SEMA6D: variants seen among roughly 807,000 people sequenced by gnomAD.
SEMA6D encodes semaphorin-6D.
SEMA6D carries 35 observed loss-of-function variants against 106.6 expected under a neutral mutation model. The ratio of observed to expected loss-of-function variants is 0.33; its 90% CI spans 0.25 to 0.44. SEMA6D has a LOEUF of 0.44. Among genes scored for constraint, SEMA6D ranks in the 20% least tolerant of loss-of-function variants. The pLI is 1.00. For missense variants in SEMA6D, 1,185 were observed against 1,345.9 expected, an observed-to-expected ratio of 0.88 and a Z score of 1.87; for synonymous variants, 499 against 487.7, an observed-to-expected ratio of 1.02 and a Z score of -0.31.
chr15:47,471,917 TCTCTCTCTCTCTCTCACACA>T (rs1332891182), intron 3 of SEMA6D, among the ~76,000 whole-genome samples: 1 of 132,558 alleles, frequency 7.5e-6, no homozygotes, highest in African/African-American at 3.2e-5. Flanking sequence ...TCTCTCTCTC[TCTCTCTCTCTCTCTCACACA>T]CACACACACA....
intron 4 of SEMA6D, among the ~76,000 whole-genome samples, chr15:47,691,571 G>A (rs1223403302): frequency 6.6e-6 from 1 of 152,108 alleles, no homozygotes; most frequent in Non-Finnish European, 1.5e-5. Flanking sequence ...TTTCTATCTT[G>A]CATGATTGAT....
rs138357176 is a variant in SEMA6D at position 47,589,821 on chromosome 15, G to A, written c.-86-11044G>A. ...GTTGGCAGAAGCCAAATTGTAGTAG[G>A]TTGAGTAGATTTGAGTAAAGAAAGG... On this transcript the variant is annotated intron_variant, in intron 3 of 19. Coordinates refer to the SEMA6D transcript ENST00000558014. 5.1e-3 allele frequency among the ~76,000 whole-genome samples: 770 copies of A among 152,290 alleles called. 6 individuals are homozygous for A. The highest frequency in any genetic ancestry group is 0.018 in the African/African-American group (751 of 41,568).
In SEMA6D at chr15:47,230,396, C is replaced by T. The variant is rs948497547; in HGVS notation, c.-239+45978C>T. Among the ~76,000 whole-genome samples the T allele has an allele frequency of 3.3e-5, 5 of 152,108 alleles. 1 individual carries two copies. The East Asian group carries it at 5.8e-4, about 18-fold the overall frequency. ...GAATAATTAGCATGTAGAATTCAAA[C>T]AAGAAAGCACCACCAATAACTGACA... On this transcript the variant is annotated intron_variant, in intron 1 of 19. Transcript: ENST00000558014.
chr15:47,337,036 C>CA (rs543842006), intron 1 of SEMA6D, among the ~76,000 whole-genome samples: 133 of 152,232 alleles, frequency 8.7e-4, no homozygotes, highest in African/African-American at 3.2e-3. Context: ...CCTGGCCATA[C>CA]ACTCAGGCAA....
intron 1 of SEMA6D, among the ~76,000 whole-genome samples, chr15:47,256,245 A>G (rs1282176766): frequency 1.3e-5 from 2 of 152,212 alleles, no homozygotes; most frequent in African/African-American, 4.8e-5. Flanking sequence ...AAAAATTTCA[A>G]AAATGTACTG....
At position 47,559,173 on chromosome 15, in the gene SEMA6D, G is replaced by A. The variant is rs571938066; in HGVS notation, c.-86-41692G>A. Among the ~76,000 whole-genome samples, 87 of 152,146 alleles carry A rather than the reference G, an allele frequency of 5.7e-4. 2 individuals carry two copies. The South Asian group carries it at 0.017, about 30-fold the overall frequency. ...TGTAAAGACACAGCAAAGAGTCAAT[G>A]CCCAATGCTGAGGAAATCAAGGACA... On this transcript the variant is annotated intron_variant, in intron 3 of 19. Coordinates refer to the SEMA6D transcript ENST00000558014.
At chr15:47,711,111 C>T (rs2079009832) in intron 4 of SEMA6D, among the ~76,000 whole-genome samples, 1 of 151,706 alleles carries the variant, frequency 6.6e-6, no homozygotes, top group African/African-American at 2.4e-5. Flanking sequence ...AGATCGAGAC[C>T]ATCCCGGCTA....
chr15:47,642,942 G>T (rs1392468836), intron 4 of SEMA6D, among the ~76,000 whole-genome samples: 2 of 151,948 alleles, frequency 1.3e-5, no homozygotes, highest in Non-Finnish European at 2.9e-5. Flanking sequence ...GCAATGGAGA[G>T]TAAGATAGAG....
At position 47,427,508 on chromosome 15, in the gene SEMA6D, T is replaced by C. The variant is rs1173421524; in HGVS notation, c.-159+15036T>C. The stretch of plus-strand genomic sequence containing the variant: ...AATTATGATTCAGTGGAAAATTCTT[T>C]GGAAAATCTTGATCTCAGAAATACT... On this transcript the variant is annotated intron_variant, in intron 2 of 19. Coordinates refer to the SEMA6D transcript ENST00000558014. 2.0e-5 allele frequency among the ~76,000 whole-genome samples: 3 copies of C among 152,168 alleles called. 1 individual carries two copies. Among genetic ancestry groups the C allele is most frequent in the Non-Finnish European group, 4.4e-5 (3 of 68,016 alleles).
chr15:47,679,398 T>A (rs2078305521), intron 4 of SEMA6D, among the ~76,000 whole-genome samples: 1 of 152,218 alleles, frequency 6.6e-6, no homozygotes, highest in African/African-American at 2.4e-5. Context: ...CCATACATAT[T>A]TTCTGGCTGA....
At chr15:47,400,504 T>C (rs1354781819) in intron 1 of SEMA6D, among the ~76,000 whole-genome samples, 3 of 105,320 alleles carry the variant, frequency 2.8e-5, no homozygotes, top group Non-Finnish European at 6.4e-5. Flanking sequence ...AAAAAAAAAA[T>C]CCTTCCTATA....
chr15:47,529,486 G>A (rs1216043105), intron 3 of SEMA6D, among the ~76,000 whole-genome samples: 1 of 151,926 alleles, frequency 6.6e-6, no homozygotes, highest in Non-Finnish European at 1.5e-5. Context: ...GATAAGAAAA[G>A]GGAGGCTTCC....
chr15:47,683,310 A>G (rs1459645170), intron 4 of SEMA6D, among the ~76,000 whole-genome samples: 2 of 152,142 alleles, frequency 1.3e-5, no homozygotes, highest in Non-Finnish European at 2.9e-5. Context: ...AGCATGCAGT[A>G]TTTGATTTTC....
intron 1 of SEMA6D, among the ~76,000 whole-genome samples, chr15:47,387,870 A>G (rs2039893872): frequency 6.6e-6 from 1 of 152,200 alleles, no homozygotes; most frequent in Non-Finnish European, 1.5e-5. Flanking sequence ...TGAGAGTAGC[A>G]CCCTCATAGT....
chr15:47,345,506 CA>C (rs961263702), intron 1 of SEMA6D, among the ~76,000 whole-genome samples: 5 of 150,160 alleles, frequency 3.3e-5, no homozygotes, highest in African/African-American at 4.9e-5. Flanking sequence ...TAGCCACATG[CA>C]AAAAAAAATT....
intron 13 of SEMA6D, 164 bp downstream of exon 13, chr15:47,765,220 C>T (rs2082275271): frequency 1.4e-5 from 19 of 1,403,258 alleles, no homozygotes; most frequent in South Asian, 6.6e-5. Context: ...GTTTTTTTCC[C>T]GAGCCTGCTA....
chr15:47,574,981 G>A (rs546691418), intron 3 of SEMA6D, among the ~76,000 whole-genome samples: 2 of 152,272 alleles, frequency 1.3e-5, no homozygotes, highest in East Asian at 3.9e-4. Flanking sequence ...TCAAAGGATT[G>A]TCAGCTTTTT....
At chr15:47,624,468 T>C (rs2144308107) in intron 4 of SEMA6D, among the ~76,000 whole-genome samples, 1 of 152,330 alleles carries the variant, frequency 6.6e-6, no homozygotes, top group South Asian at 2.1e-4. Context: ...GTCATCCAAT[T>C]TGTACATAAT....
At chr15:47,602,857 C>G (rs1370253336) in intron 4 of SEMA6D, among the ~76,000 whole-genome samples, 1 of 152,096 alleles carries the variant, frequency 6.6e-6, no homozygotes, top group Non-Finnish European at 1.5e-5. Context: ...ATGGTTTGTA[C>G]AGGGTCACTG....
Sources: gnomAD v4.1 joint callset for allele counts (sites outside exome capture counted in the v4.1 genomes callset) on GRCh38, gnomAD v4.1.1 for gene constraint, MANE v1.5 for transcripts, NCBI Gene and HGNC (gene_info 2026-07-23, HGNC 2026-07-21) for gene names.